Variants in KIAA0319L observed in about 807,000 individuals in gnomAD.
KIAA0319L encodes the protein KIAA0319 like.
KIAA0319L carries 55 observed loss-of-function variants against 120.1 expected under a neutral mutation model. The ratio of observed to expected loss-of-function variants is 0.46; its 90% CI spans 0.37 to 0.57. The LOEUF is 0.57. Ranked by LOEUF, KIAA0319L falls within the 20% of genes least tolerant of loss-of-function variation. KIAA0319L has a pLI of 0.00. For synonymous variants in KIAA0319L, 398 were observed against 471.9 expected (o/e 0.84, Z 2.03); for missense variants, 1,049 against 1,255.3 (o/e 0.84, Z 2.48).
chr1:35,499,400 A>G lies in KIAA0319L; in HGVS notation c.666+7212T>C, dbSNP rs982056428. Among the ~76,000 whole-genome samples the G allele has an allele frequency of 2.0e-5, 3 of 152,104 alleles. 1 individual carries two copies. The highest frequency in any genetic ancestry group is 1.3e-4 in the Admixed American group (2 of 15,254). ...CAGAGAGAGTTTGTCTTCCTCTTCC[A>G]CCGTGTGAGAACATAGCTAGAATGC... is the stretch of plus-strand genomic sequence containing the variant. On this transcript the variant is annotated intron_variant, in intron 3 of 20. Coordinates refer to ENST00000325722, the MANE Select transcript of KIAA0319L (RefSeq NM_024874.5).
At chr1:35,549,437 T>G (rs1200017224) in intron 2 of KIAA0319L, among the ~76,000 whole-genome samples, 1 of 152,196 alleles carries the variant, frequency 6.6e-6, no homozygotes, top group East Asian at 1.9e-4. Flanking sequence ...AGACTCCTAG[T>G]AAGTTCTCAA....
At chr1:35,515,537 G>A (rs924932758) in intron 2 of KIAA0319L, among the ~76,000 whole-genome samples, 3 of 152,104 alleles carry the variant, frequency 2.0e-5, no homozygotes, top group African/African-American at 4.8e-5. Flanking sequence ...CAACATACCA[G>A]AATCTCTGGG....
At chr1:35,550,991 T>C (rs1330933200) in intron 2 of KIAA0319L, among the ~76,000 whole-genome samples, 1 of 152,242 alleles carries the variant, frequency 6.6e-6, no homozygotes, top group Non-Finnish European at 1.5e-5. Context: ...TAAATGACTG[T>C]TGATCAGTGC....
At position 35,557,382 on chromosome 1, in the gene KIAA0319L, G is replaced by A. The variant is rs1001378491; in HGVS notation, c.-204C>T. ...GCTACCTCTCGCCTCAGCCTCCCTGGACAGCGACGGCGGCCGGAAACACCG... is the reference window on the plus strand; with the variant it reads ...GCTACCTCTCGCCTCAGCCTCCCTGAACAGCGACGGCGGCCGGAAACACCG... On this transcript the variant is annotated 5_prime_UTR_variant, in exon 1 of 21. Transcript: ENST00000325722. 1 of 316,060 alleles carries A rather than the reference G, an allele frequency of 3.2e-6. No homozygotes were observed. Among genetic ancestry groups the A allele is most frequent in the East Asian group, 1.1e-4 (1 of 8,770 alleles). 19.6% of individuals were successfully genotyped at this position (316,060 alleles called of 1,614,324 possible).
chr1:35,498,298 A>G (rs937351745), intron 3 of KIAA0319L, among the ~76,000 whole-genome samples: 3 of 150,994 alleles, frequency 2.0e-5, no homozygotes, highest in Non-Finnish European at 4.4e-5. Flanking sequence ...GCACCACTAC[A>G]CTCCAGCCTG....
chr1:35,520,538 T>G (rs1570934566), intron 2 of KIAA0319L, among the ~76,000 whole-genome samples: 1 of 152,168 alleles, frequency 6.6e-6, no homozygotes, highest in Admixed American at 6.5e-5. Flanking sequence ...GGACTACACA[T>G]GTGTGCCACT....
chr1:35,525,856 A>G (rs1646105862), intron 2 of KIAA0319L, among the ~76,000 whole-genome samples: 1 of 152,104 alleles, frequency 6.6e-6, no homozygotes, highest in Admixed American at 6.6e-5. Flanking sequence ...CCATTTGTCT[A>G]TTTTTGGTTT....
chr1:35,492,793 T>C (rs533077048), intron 3 of KIAA0319L, among the ~76,000 whole-genome samples: 8 of 152,298 alleles, frequency 5.3e-5, no homozygotes, highest in Admixed American at 1.3e-4. Flanking sequence ...ATCAGACTTA[T>C]AGCTGACTTA....
chr1:35,542,898 G>T (rs1646844175), intron 2 of KIAA0319L, among the ~76,000 whole-genome samples: 1 of 152,186 alleles, frequency 6.6e-6, no homozygotes, highest in Non-Finnish European at 1.5e-5. Context: ...ATAAATTTAA[G>T]ATAGTTTTTA....
rs561497026 is a variant in KIAA0319L, at chr1:35,458,341, C to G, written c.1427+1964G>C. 4.6e-5 allele frequency among the ~76,000 whole-genome samples: 7 copies of G among 152,292 alleles called. No individual in the cohort carries two copies. The South Asian group carries it at 1.5e-3, about 32-fold the overall frequency. ...TGCCCATTTTCTCTTTCACCTCAAA[C>G]AGTCCCTGGCTTGCCTGCAAAGATC... is the stretch of plus-strand genomic sequence containing the variant. On this transcript the variant is annotated intron_variant, in intron 9 of 20. Transcript: ENST00000325722.
At chr1:35,445,777 C>T (rs1172938517) in intron 16 of KIAA0319L, among the ~76,000 whole-genome samples, 1 of 152,162 alleles carries the variant, frequency 6.6e-6, no homozygotes, top group East Asian at 1.9e-4. Context: ...TATTTTCTTC[C>T]AATCACATGT....
chr1:35,444,100 C>G (rs1641431284), intron 17 of KIAA0319L, 61 bp downstream of exon 17: 1 of 1,426,178 alleles, frequency 7.0e-7, no homozygotes, highest in South Asian at 1.4e-5. Context: ...ACAGAAAGGA[C>G]CAATGGGTGA....
rs768626101 is a variant in KIAA0319L at position 35,554,422 on chromosome 1, A to G, written c.70T>C (p.Ser24Pro). The G allele has an allele frequency of 1.9e-6, 3 of 1,613,650 alleles. No homozygotes were observed. Among genetic ancestry groups the G allele is most frequent in the Non-Finnish European group, 2.5e-6 (3 of 1,179,866 alleles). Reference protein sequence around the residue: ...WILSGYYWQTSAKWLRSLYLF... With the variant: ...WILSGYYWQTPAKWLRSLYLF... ...TACAGGCTTCTCAACCACTTCGCAG[A>G]TGTCTGCCAATAATATCCTGATAAA... Residue 24 changes from serine (S) to proline (P), a missense_variant, in exon 2 of 21, where the codon TCT becomes CCT. Ser to Pro is a moderately conservative substitution (Grantham distance 74, BLOSUM62 -1). Coordinates refer to ENST00000325722, the MANE Select transcript of KIAA0319L (RefSeq NM_024874.5).
At position 35,462,629 on chromosome 1, in the gene KIAA0319L, T is replaced by A; in HGVS notation, c.1286A>T (p.Asp429Val). ...CTTAGACAAGTACTCACGACTGCCA[T>A]CAATGACTGTAGAAGTGGTTGGCAA... is the stretch of plus-strand genomic sequence containing the variant. ...ISLPTTSTVI[D>V]GSQSTDDDKI... The change falls in exon 8 of 21, where the codon GAT becomes GTT. Residue 429 changes from aspartate to valine, a missense_variant. Transcript: ENST00000325722. 1 of 1,609,782 alleles carries A rather than the reference T, an allele frequency of 6.2e-7. No individual in the cohort carries two copies. Among genetic ancestry groups the A allele is most frequent in the Non-Finnish European group, 8.5e-7 (1 of 1,176,086 alleles).
intron 3 of KIAA0319L, among the ~76,000 whole-genome samples, chr1:35,485,297 T>A (rs1644346208): frequency 6.6e-6 from 1 of 152,122 alleles, no homozygotes; most frequent in Non-Finnish European, 1.5e-5. Flanking sequence ...TCTGCTCGGT[T>A]TTTTTTTCTT....
At chr1:35,513,022 T>C (rs922212919) in intron 2 of KIAA0319L, among the ~76,000 whole-genome samples, 2 of 151,424 alleles carry the variant, frequency 1.3e-5, no homozygotes, top group Non-Finnish European at 2.9e-5. Context: ...GTATGTGTTA[T>C]CTATAGTTGC....
At chr1:35,483,118 A>C (rs1388201139) in intron 3 of KIAA0319L, among the ~76,000 whole-genome samples, 1 of 152,236 alleles carries the variant, frequency 6.6e-6, no homozygotes, top group Non-Finnish European at 1.5e-5. Flanking sequence ...ATCAAGTTAC[A>C]AGAGCTCATT....
intron 3 of KIAA0319L, among the ~76,000 whole-genome samples, chr1:35,489,016 C>T (rs1644492212): frequency 6.6e-6 from 1 of 152,106 alleles, no homozygotes. Flanking sequence ...GACATATTTG[C>T]AAGTATCAAG....
Position 35,434,845 on chromosome 1 carries a change from C to T in KIAA0319L, c.*49G>A. 6.6e-7 allele frequency: 1 copy of T among 1,526,448 alleles called. No individual in the cohort carries two copies. The highest frequency in any genetic ancestry group is 8.9e-7 in the Non-Finnish European group (1 of 1,122,858). The allele number at this position is 1,526,448 out of a possible 1,614,324, so 94.6% of individuals were successfully genotyped here. On this transcript the variant is annotated 3_prime_UTR_variant, in exon 21 of 21. Transcript: ENST00000325722. ...CCCGCAGACTCGGGAGGTAGGAGGA[C>T]TGGCCGGGCAGTGTGCTGGGCCCTG...
Sources: allele counts gnomAD v4.1 joint callset (sites outside exome capture counted in the v4.1 genomes callset), GRCh38; gene constraint gnomAD v4.1.1; transcripts MANE v1.5; gene names NCBI Gene and HGNC (gene_info 2026-07-23, HGNC 2026-07-21).